Variants in MLYCD observed in about 807,000 individuals in gnomAD.
The protein encoded by MLYCD is malonyl-CoA decarboxylase.
A neutral mutation model predicts 35.8 loss-of-function variants in MLYCD; 27 were observed. That is an observed-to-expected ratio of 0.75 (90% CI 0.56 to 1.04). The LOEUF (loss-of-function observed/expected upper bound fraction) is 1.04. Ranked by LOEUF, MLYCD falls within the 50% of genes least tolerant of loss-of-function variation. MLYCD has a pLI of 0.00. For missense variants in MLYCD, 917 were observed against 665.1 expected (o/e 1.38, Z -4.17); for synonymous variants, 403 against 302.4 (o/e 1.33, Z -3.45).
Position 83,920,028 on chromosome 16 carries a change from T to G in MLYCD, c.*4539T>G, listed in dbSNP as rs9929909. 3.1e-3 allele frequency: 463 copies of G among 146,994 alleles called. No homozygotes were observed. The highest frequency in any genetic ancestry group is 0.011 in the African/African-American group (440 of 39,276). The allele number at this position is 146,994 out of a possible 1,614,324, so 9.1% of individuals were successfully genotyped here. ...AACACACGTGCACAGGAGAACACAG[T>G]ACACACACAGCGCACTGGAGAACAC... On this transcript the variant is annotated 3_prime_UTR_variant, in exon 5 of 5. Transcript: ENST00000262430.
intron 3 of MLYCD, chr16:83,911,544 T>C: frequency 1.3e-5 from 2 of 152,870 alleles, no homozygotes; most frequent in Admixed American, 6.5e-5. Context: ...AACGCTGCCG[T>C]GAGAATGAGA....
chr16:83,906,331 C>T (rs1461533934), intron 1 of MLYCD, among the ~76,000 whole-genome samples: 2 of 152,164 alleles, frequency 1.3e-5, no homozygotes, highest in Non-Finnish European at 2.9e-5. Flanking sequence ...GTCAAGGCTG[C>T]AGCGAGCCGT....
In MLYCD at chr16:83,915,567, G is replaced by T; in HGVS notation, c.*78G>T. The T allele has an allele frequency of 6.4e-7, 1 of 1,569,808 alleles. No homozygotes were observed. Among genetic ancestry groups the T allele is most frequent in the Non-Finnish European group, 8.6e-7 (1 of 1,165,944 alleles). On this transcript the variant is annotated 3_prime_UTR_variant, in exon 5 of 5. Coordinates refer to ENST00000262430, the MANE Select transcript of MLYCD (RefSeq NM_012213.3). Reference sequence around the variant, plus strand: ...AGGAGGGGCCGGGAGTTATGTATCTGAAGCAGCTTTCCAAGCAAAGCCAAA... The same window carrying T: ...AGGAGGGGCCGGGAGTTATGTATCTTAAGCAGCTTTCCAAGCAAAGCCAAA...
At position 83,899,595 on chromosome 16, in the gene MLYCD, G is replaced by C. The variant is rs770932669; in HGVS notation, c.451G>C (p.Val151Leu). 5.0e-6 allele frequency: 8 copies of C among 1,587,790 alleles called. No homozygotes were observed. The highest frequency in any genetic ancestry group is 6.8e-6 in the Non-Finnish European group (8 of 1,175,440). ...FHHISKLDGGVRFLVQLRADL... is the reference protein window; with the variant it reads ...FHHISKLDGGLRFLVQLRADL... ...CCACATCAGCAAGCTGGACGGCGGC[G>C]TGCGCTTCCTGGTGCAGCTGCGGGC... is the stretch of plus-strand genomic sequence containing the variant. The change falls in exon 1 of 5, where the codon GTG becomes CTG. Residue 151 changes from valine to leucine, a missense_variant. Transcript: ENST00000262430.
At position 83,919,727 on chromosome 16, in the gene MLYCD, C is replaced by CAGG. The variant is rs368468116; in HGVS notation, c.*4240_*4241insGAG. 7.4e-6 allele frequency: 1 copy of CAGG among 135,314 alleles called. No individual in the cohort carries two copies. The highest frequency in any genetic ancestry group is 3.6e-5 in the African/African-American group (1 of 27,916). 8.4% of individuals were successfully genotyped at this position (135,314 alleles called of 1,614,324 possible). On this transcript the variant is annotated 3_prime_UTR_variant, in exon 5 of 5. Coordinates refer to ENST00000262430, the MANE Select transcript of MLYCD (RefSeq NM_012213.3). The stretch of plus-strand genomic sequence containing the variant: ...GGGGCACAGGAGAACACACAGTGCA[C>CAGG]AGAACACACAGTGCACAGAACACAC...
intron 1 of MLYCD, among the ~76,000 whole-genome samples, chr16:83,900,582 A>ATTTTTT (rs1156957811): frequency 6.6e-5 from 8 of 121,064 alleles, no homozygotes; most frequent in South Asian, 2.7e-4. Flanking sequence ...TGCCCGGCTA[A>ATTTTTT]TTTTTTTTTT....
In MLYCD at chr16:83,926,316, C is replaced by T. The variant is rs1294379863; in HGVS notation, c.*10827C>T. On this transcript the variant is annotated 3_prime_UTR_variant, in exon 5 of 5. Coordinates refer to ENST00000262430, the MANE Select transcript of MLYCD (RefSeq NM_012213.3). ...CTGAACGCTGGCTTGCCCTAGCTCA[C>T]TCGGACCCCACCCTGCACTGGGAAG... is the stretch of plus-strand genomic sequence containing the variant. 6.6e-6 allele frequency: 1 copy of T among 152,390 alleles called. No individual in the cohort carries two copies. Among genetic ancestry groups the T allele is most frequent in the Non-Finnish European group, 1.5e-5 (1 of 68,136 alleles). 9.4% of individuals were successfully genotyped at this position (152,390 alleles called of 1,614,324 possible). A position where few individuals can be genotyped will look rare whatever the true frequency, so the allele number is the denominator to read the frequency against.
At chr16:83,906,921 C>G in intron 1 of MLYCD, 66 bp from the exon 2 acceptor site, 1 of 1,344,118 alleles carries the variant, frequency 7.4e-7, no homozygotes, top group East Asian at 2.3e-5. Flanking sequence ...TTGTGCTGAC[C>G]ACAACACAGA....
chr16:83,917,041 C>G lies in MLYCD; in HGVS notation c.*1552C>G, dbSNP rs546428578. Reference sequence around the variant, plus strand: ...CAGTGCACGTCTGTGTGCGTGTGCACAAGCGTCTCTGTGTGGATCAGTGCA... The same window carrying G: ...CAGTGCACGTCTGTGTGCGTGTGCAGAAGCGTCTCTGTGTGGATCAGTGCA... On this transcript the variant is annotated 3_prime_UTR_variant, in exon 5 of 5. Transcript: ENST00000262430. 6 of 121,956 alleles carry G rather than the reference C, an allele frequency of 4.9e-5. No individual in the cohort carries two copies. The highest frequency in any genetic ancestry group is 1.9e-4 in the African/African-American group (6 of 31,938). 7.6% of individuals were successfully genotyped at this position (121,956 alleles called of 1,614,324 possible). A position where few individuals can be genotyped will look rare whatever the true frequency, so the allele number is the denominator to read the frequency against.
rs775104507 is a variant in MLYCD at position 83,915,337 on chromosome 16, A to C, written c.1330A>C (p.Ile444Leu). 6.2e-6 allele frequency: 10 copies of C among 1,613,810 alleles called. No homozygotes were observed. The highest frequency in any genetic ancestry group is 1.3e-5 in the African/African-American group (1 of 74,944). ...GATGGCGGATGTGAGCCTCAGAGGC[A>C]TCACCGGCTCCTGCGGCCTGATGGC... ...NWMADVSLRG[I>L]TGSCGLMANY... The change falls in exon 5 of 5, where the codon ATC becomes CTC. Residue 444 changes from isoleucine (I) to leucine (L), a missense_variant. Ile to Leu is a conservative substitution (Grantham distance 5). Transcript: ENST00000262430.
Position 83,899,625 on chromosome 16 carries a change from C to A in MLYCD, c.481C>A (p.Leu161Met). The A allele has an allele frequency of 6.4e-7, 1 of 1,565,486 alleles. No homozygotes were observed. Among genetic ancestry groups the A allele is most frequent in the Non-Finnish European group, 8.6e-7 (1 of 1,164,674 alleles). The change falls in exon 1 of 5, where the codon CTG becomes ATG. Residue 161 changes from leucine (L) to methionine (M), a missense_variant. Coordinates refer to ENST00000262430, the MANE Select transcript of MLYCD (RefSeq NM_012213.3). Reference protein sequence around the residue: ...VRFLVQLRADLLEAQALKLVE... With the variant: ...VRFLVQLRADMLEAQALKLVE... ...CTTCCTGGTGCAGCTGCGGGCCGACCTGCTGGAGGCGCAGGCCCTCAAGCT... is the reference window on the plus strand; with the variant it reads ...CTTCCTGGTGCAGCTGCGGGCCGACATGCTGGAGGCGCAGGCCCTCAAGCT...
In MLYCD at chr16:83,920,819, A is replaced by G. The variant is rs188514679; in HGVS notation, c.*5330A>G. The G allele has an allele frequency of 2.2e-3, 340 of 152,332 alleles. No individual in the cohort carries two copies. Among genetic ancestry groups the G allele is most frequent in the African/African-American group, 7.4e-3 (308 of 41,572 alleles). The allele number at this position is 152,332 out of a possible 1,614,324, so 9.4% of individuals were successfully genotyped here. The stretch of plus-strand genomic sequence containing the variant: ...CATCAGTGGTTTTCTGTTTTTATCA[A>G]ACTTTATCTTTGTACTTCTTACAGT... On this transcript the variant is annotated 3_prime_UTR_variant, in exon 5 of 5. Transcript: ENST00000262430.
chr16:83,903,345 C>G (rs1475933263), intron 1 of MLYCD, among the ~76,000 whole-genome samples: 4 of 152,150 alleles, frequency 2.6e-5, no homozygotes, highest in African/African-American at 7.2e-5. Context: ...CTTACCTATG[C>G]TAAATAATAC....
In MLYCD at chr16:83,908,106, CTT is replaced by C. The variant is rs765497049; in HGVS notation, c.642-18_642-17del. On this transcript the variant is annotated intron_variant, in intron 2 of 4. Coordinates refer to ENST00000262430, the MANE Select transcript of MLYCD (RefSeq NM_012213.3). ...TGTGAATTATGCATTTGTCTTGTCT[CTT>C]TATAAATTCCGCCCCAGGGCTGAGG... 1.2e-6 allele frequency: 2 copies of C among 1,614,122 alleles called. No individual in the cohort carries two copies.
Position 83,920,790 on chromosome 16 carries a change from C to T in MLYCD, c.*5301C>T, listed in dbSNP as rs546124875. The T allele has an allele frequency of 6.6e-6, 1 of 152,292 alleles. No individual in the cohort carries two copies. Among genetic ancestry groups the T allele is most frequent in the Middle Eastern group, 3.2e-3 (1 of 316 alleles). 9.4% of individuals were successfully genotyped at this position (152,292 alleles called of 1,614,324 possible). On this transcript the variant is annotated 3_prime_UTR_variant, in exon 5 of 5. Coordinates refer to ENST00000262430, the MANE Select transcript of MLYCD (RefSeq NM_012213.3). ...CTACAGACCTATCACCCAGCTTCCA[C>T]AGTCATCAGTGGTTTTCTGTTTTTA...
In MLYCD at chr16:83,920,678, A is replaced by G. The variant is rs1266994625; in HGVS notation, c.*5189A>G. ...AGGCGTGTCCGAGACTGCAACTCCT[A>G]GTTCCCACCTTTCACACCTCATCTC... is the stretch of plus-strand genomic sequence containing the variant. On this transcript the variant is annotated 3_prime_UTR_variant, in exon 5 of 5. Coordinates refer to ENST00000262430, the MANE Select transcript of MLYCD (RefSeq NM_012213.3). 2 of 152,206 alleles carry G rather than the reference A, an allele frequency of 1.3e-5. No homozygotes were observed. Among genetic ancestry groups the G allele is most frequent in the Non-Finnish European group, 2.9e-5 (2 of 68,046 alleles). 9.4% of individuals were successfully genotyped at this position (152,206 alleles called of 1,614,324 possible).
chr16:83,912,075 A>C (rs1313898456), intron 3 of MLYCD, 143 bp from the exon 4 acceptor site: 3 of 1,208,596 alleles, frequency 2.5e-6, no homozygotes, highest in Non-Finnish European at 3.7e-6. Context: ...TAGGCTCTGT[A>C]GCCTGAACCC....
Position 83,915,135 on chromosome 16 carries a change from GCTC to G in MLYCD, c.1135_1137del (p.Leu379del), listed in dbSNP as rs1567636991. ...GTGGCCCCATTAACGAGACCCTCAA[GCTC>G]CTCCTCAGCAGCAGCGAGTGGGTGC... On this transcript the variant is annotated inframe_deletion, in exon 5 of 5. Coordinates refer to ENST00000262430, the MANE Select transcript of MLYCD (RefSeq NM_012213.3). 1.1e-5 allele frequency: 17 copies of G among 1,614,260 alleles called. No individual in the cohort carries two copies. The highest frequency in any genetic ancestry group is 1.7e-5 in the Admixed American group (1 of 60,036).
Position 83,924,863 on chromosome 16 carries a change from T to A in MLYCD, c.*9374T>A, listed in dbSNP as rs1000987139. 6.6e-6 allele frequency: 1 copy of A among 152,076 alleles called. No individual in the cohort carries two copies. The highest frequency in any genetic ancestry group is 2.4e-5 in the African/African-American group (1 of 41,384). The allele number at this position is 152,076 out of a possible 1,614,324, so 9.4% of individuals were successfully genotyped here. A position where few individuals can be genotyped will look rare whatever the true frequency, so the allele number is the denominator to read the frequency against. On this transcript the variant is annotated 3_prime_UTR_variant, in exon 5 of 5. Coordinates refer to ENST00000262430, the MANE Select transcript of MLYCD (RefSeq NM_012213.3). The stretch of plus-strand genomic sequence containing the variant: ...GGGCCACCGTGGGCCACACTGCACT[T>A]CCCAAATGCTCCCGGCACTGGCACA...
Sources: allele counts gnomAD v4.1 joint callset (sites outside exome capture counted in the v4.1 genomes callset), GRCh38; gene constraint gnomAD v4.1.1; transcripts MANE v1.5; gene names NCBI Gene and HGNC (gene_info 2026-07-23, HGNC 2026-07-21).